The following GMDS variants were observed in gnomAD, a reference collection of about 807,000 sequenced individuals.
GMDS encodes GDP-mannose 4,6 dehydratase.
A neutral mutation model predicts 49.9 loss-of-function variants in GMDS; 20 were observed. The observed-to-expected ratio is 0.40, with a 90% confidence interval of 0.28 to 0.58. GMDS has a LOEUF of 0.58. Ranked by LOEUF, GMDS falls within the 20% of genes least tolerant of loss-of-function variation. The pLI is 0.42. For missense variants in GMDS, 362 were observed against 481.4 expected (o/e 0.75, Z 2.32); for synonymous variants, 177 against 178.6 (o/e 0.99, Z 0.07).
chr6:2,191,623 A>C lies in GMDS; in HGVS notation c.102+53698T>G, dbSNP rs1779022886. Among the ~76,000 whole-genome samples the C allele has an allele frequency of 1.3e-5, 2 of 152,178 alleles. No homozygotes were observed. The highest frequency in any genetic ancestry group is 1.3e-4 in the Admixed American group (2 of 15,280). ...ATGATCTCCGAATGGGGTTGGGGCCAAGCCGGGGAGCTGTCACAGCCCAGC... is the reference window on the plus strand; with the variant it reads ...ATGATCTCCGAATGGGGTTGGGGCCCAGCCGGGGAGCTGTCACAGCCCAGC... On this transcript the variant is annotated intron_variant, in intron 1 of 10. Transcript: ENST00000380815. The surrounding 1 kb of genome is among the most constrained non-coding windows in gnomAD (Gnocchi z 4.6).
intron 6 of GMDS, among the ~76,000 whole-genome samples, chr6:1,944,542 C>T (rs1055150458): frequency 5.9e-5 from 9 of 151,436 alleles, no homozygotes; most frequent in Non-Finnish European, 7.4e-5. Context: ...TGGTGGCGGG[C>T]GCCTGTAGTC....
intron 1 of GMDS, among the ~76,000 whole-genome samples, chr6:2,163,419 A>ATGTGTG (rs553648208): frequency 1.4e-5 from 2 of 146,636 alleles, no homozygotes. Flanking sequence ...GTGTGTGTCT[A>ATGTGTG]TGTGTGTGTG....
chr6:1,998,830 G>A (rs1766458038), intron 4 of GMDS, among the ~76,000 whole-genome samples: 1 of 151,884 alleles, frequency 6.6e-6, no homozygotes, highest in African/African-American at 2.4e-5. Flanking sequence ...ATCCCCCATG[G>A]ATGCCAAGGG....
chr6:1,646,334 C>A (rs766249865), intron 9 of GMDS, among the ~76,000 whole-genome samples: 1 of 152,170 alleles, frequency 6.6e-6, no homozygotes, highest in African/African-American at 2.4e-5. Context: ...GCTCATTCCA[C>A]CTAGGGCTTT....
chr6:1,998,592 T>G (rs1766442598), intron 4 of GMDS, among the ~76,000 whole-genome samples: 1 of 152,092 alleles, frequency 6.6e-6, no homozygotes, highest in Non-Finnish European at 1.5e-5. Flanking sequence ...TTCAAAATAT[T>G]CAGAAAAAAA....
chr6:1,799,925 T>C (rs996828823), intron 7 of GMDS, among the ~76,000 whole-genome samples: 1 of 152,154 alleles, frequency 6.6e-6, no homozygotes, highest in Non-Finnish European at 1.5e-5. Flanking sequence ...ATTAACAGAC[T>C]CTCCAAGGGT....
intron 4 of GMDS, among the ~76,000 whole-genome samples, chr6:1,991,355 T>C (rs1384329274): frequency 6.6e-6 from 1 of 152,096 alleles, no homozygotes; most frequent in African/African-American, 2.4e-5. Flanking sequence ...TCCATCTCCT[T>C]TCCCGCACCT....
At chr6:1,625,339 C>T (rs1762820334) in intron 9 of GMDS, 2 of 152,244 alleles carry the variant, frequency 1.3e-5, no homozygotes, top group Admixed American at 6.5e-5. Context: ...CTATTCTACT[C>T]GGTTCGATTC....
intron 1 of GMDS, among the ~76,000 whole-genome samples, chr6:2,240,447 G>A (rs12665003): frequency 0.15 from 22,848 of 152,016 alleles, 2,168 homozygotes; most frequent in East Asian, 0.42. Flanking sequence ...AGCCAGTGCA[G>A]TTCAGAAAGA....
At chr6:2,089,865 C>T (rs906608612) in intron 4 of GMDS, among the ~76,000 whole-genome samples, 1 of 152,170 alleles carries the variant, frequency 6.6e-6, no homozygotes, top group Non-Finnish European at 1.5e-5. Flanking sequence ...TCCTGCTCTG[C>T]GTAGCACAAA....
In GMDS at chr6:1,960,048, C is replaced by T; in HGVS notation, c.539-77G>A. The T allele has an allele frequency of 5.0e-6, 4 of 794,266 alleles. No homozygotes were observed. The South Asian group carries it at 7.2e-5, about 14-fold the overall frequency. 49.2% of individuals were successfully genotyped at this position (794,266 alleles called of 1,614,324 possible). ...TTCTCACCATCTTCAACAGTAACAT[C>T]TTGGCCGAAATAATAACTTGTAATG... On this transcript the variant is annotated intron_variant, in intron 5 of 10. Transcript: ENST00000380815.
chr6:2,123,077 G>T (rs1198655824), intron 2 of GMDS, among the ~76,000 whole-genome samples: 1 of 152,142 alleles, frequency 6.6e-6, no homozygotes, highest in Admixed American at 6.5e-5. Flanking sequence ...TCTGAAGTCT[G>T]CTAGTTCCTT....
At chr6:2,027,066 AAC>A (rs149150700) in intron 4 of GMDS, among the ~76,000 whole-genome samples, 2,908 of 152,304 alleles carry the variant, frequency 0.019, 38 homozygotes, top group African/African-American at 0.036. Context: ...TAAGAACAGG[AAC>A]CAGAGAATAT....
chr6:1,996,938 A>C (rs1473245875), intron 4 of GMDS, among the ~76,000 whole-genome samples: 1 of 152,102 alleles, frequency 6.6e-6, no homozygotes, highest in Non-Finnish European at 1.5e-5. Context: ...GTAAGACCCT[A>C]GTCTTTTTTT....
At chr6:2,078,208 T>C (rs1165110042) in intron 4 of GMDS, among the ~76,000 whole-genome samples, 5 of 152,116 alleles carry the variant, frequency 3.3e-5, no homozygotes, top group Non-Finnish European at 7.4e-5. Flanking sequence ...TTTGTGTCTT[T>C]TCAAAGAATC....
intron 6 of GMDS, among the ~76,000 whole-genome samples, chr6:1,959,234 C>T (rs1424716021): frequency 6.6e-6 from 1 of 152,020 alleles, no homozygotes; most frequent in Non-Finnish European, 1.5e-5. Context: ...TTTAAATGTT[C>T]CTAACACAAA....
chr6:2,139,077 T>C (rs1776150355), intron 1 of GMDS, among the ~76,000 whole-genome samples: 1 of 152,168 alleles, frequency 6.6e-6, no homozygotes, highest in Admixed American at 6.5e-5. Context: ...GGATGAGGGA[T>C]AAAAATCTAC....
At chr6:2,180,363 C>T (rs1449358583) in intron 1 of GMDS, among the ~76,000 whole-genome samples, 2 of 152,172 alleles carry the variant, frequency 1.3e-5, no homozygotes, top group Non-Finnish European at 2.9e-5. Flanking sequence ...TCTCAGCTGT[C>T]CTGACCAGGG....
intron 9 of GMDS, among the ~76,000 whole-genome samples, chr6:1,653,207 AG>A (rs1296856817): frequency 6.6e-6 from 1 of 152,198 alleles, no homozygotes; most frequent in Non-Finnish European, 1.5e-5. Context: ...ACACTGCCGT[AG>A]GAAAAAGATT....
Sources: gnomAD v4.1 joint callset for allele counts (sites outside exome capture counted in the v4.1 genomes callset) on GRCh38, gnomAD v4.1.1 for gene constraint, Gnocchi (gnomAD v3.1) non-coding constraint, MANE v1.5 for transcripts, NCBI Gene and HGNC (gene_info 2026-07-23, HGNC 2026-07-21) for gene names.